The following SMAD2 variants were observed in gnomAD, a reference collection of about 807,000 sequenced individuals.
SMAD2 encodes the protein SMAD family member 2.
In SMAD2, 8 loss-of-function variants were observed where a neutral mutation model predicts 64.4. That is an observed-to-expected ratio of 0.12 (90% CI 0.07 to 0.22). SMAD2 has a LOEUF of 0.22. Ranked by LOEUF, SMAD2 falls within the 10% of genes least tolerant of loss-of-function variation. The pLI, the probability that SMAD2 is intolerant of heterozygous loss-of-function variation, is 1.00. For synonymous variants in SMAD2, 203 were observed against 195.8 expected (o/e 1.04, Z -0.31); for missense variants, 289 against 561.2 (o/e 0.51, Z 4.90).
At chr18:47,893,767 T>G (rs182904542) in intron 2 of SMAD2, among the ~76,000 whole-genome samples, 1 of 152,196 alleles carries the variant, frequency 6.6e-6, no homozygotes, top group Non-Finnish European at 1.5e-5. Flanking sequence ...TTATAAAATA[T>G]ATGGCACTAA....
intron 2 of SMAD2, among the ~76,000 whole-genome samples, chr18:47,877,778 G>C (rs751632716): frequency 6.6e-6 from 1 of 151,974 alleles, no homozygotes; most frequent in Non-Finnish European, 1.5e-5. Context: ...CTGCATTACA[G>C]ATGCAAAAAA....
chr18:47,828,813 C>G lies in SMAD2; in HGVS notation c.*13014G>C. On this transcript the variant is annotated 3_prime_UTR_variant, in exon 11 of 11. Transcript: ENST00000262160. Reference sequence around the variant, plus strand: ...ACACTGCAGAAGGCCGCAGGGTCCTCTGCCTAGGAAAACCAGAGACCCTTG... The same window carrying G: ...ACACTGCAGAAGGCCGCAGGGTCCTGTGCCTAGGAAAACCAGAGACCCTTG... 1.2e-5 allele frequency: 2 copies of G among 173,576 alleles called. No homozygotes were observed. Among genetic ancestry groups the G allele is most frequent in the Non-Finnish European group, 2.3e-5 (2 of 85,806 alleles). 10.8% of individuals were successfully genotyped at this position (173,576 alleles called of 1,614,324 possible). A position where few individuals can be genotyped will look rare whatever the true frequency, so the allele number is the denominator to read the frequency against.
chr18:47,880,737 A>G (rs953646915), intron 2 of SMAD2, among the ~76,000 whole-genome samples: 1 of 152,208 alleles, frequency 6.6e-6, no homozygotes, highest in African/African-American at 2.4e-5. Flanking sequence ...GATGGTAGTT[A>G]GAGGTTCTGT....
rs957207688 is a variant in SMAD2, at chr18:47,815,122, A to C, written c.*26705T>G. The stretch of plus-strand genomic sequence containing the variant: ...TGACTGTTCTCACCCACTAGATGCC[A>C]TCATGAGGAAGAAGCTAGGAAGAAC... On this transcript the variant is annotated 3_prime_UTR_variant, in exon 11 of 11. Coordinates refer to ENST00000262160, the MANE Select transcript of SMAD2 (RefSeq NM_005901.6). 1 of 152,286 alleles carries C rather than the reference A, an allele frequency of 6.6e-6. No individual in the cohort carries two copies. The highest frequency in any genetic ancestry group is 2.4e-5 in the African/African-American group (1 of 41,470). The allele number at this position is 152,286 out of a possible 1,614,324, so 9.4% of individuals were successfully genotyped here. A position where few individuals can be genotyped will look rare whatever the true frequency, so the allele number is the denominator to read the frequency against.
At chr18:47,930,671 C>T (rs2034979968), upstream of SMAD2, 2 of 149,398 alleles carry the variant, frequency 1.3e-5, no homozygotes, top group African/African-American at 4.9e-5. Context: ...CCCGCGCTGC[C>T]CCTCCTCCCC....
chr18:47,919,068 G>C (rs1260276346), intron 1 of SMAD2, among the ~76,000 whole-genome samples: 1 of 151,940 alleles, frequency 6.6e-6, no homozygotes, highest in Non-Finnish European at 1.5e-5. Context: ...GACAAAGAAA[G>C]GGCTTAAAGT....
At chr18:47,858,875 T>G (rs950259858) in intron 6 of SMAD2, among the ~76,000 whole-genome samples, 7 of 151,944 alleles carry the variant, frequency 4.6e-5, no homozygotes, top group African/African-American at 9.7e-5. Flanking sequence ...AGAGAACAAA[T>G]AGACAAACAA....
chr18:47,916,116 C>A (rs974155465), intron 1 of SMAD2, among the ~76,000 whole-genome samples: 6 of 152,086 alleles, frequency 3.9e-5, no homozygotes, highest in African/African-American at 1.4e-4. Flanking sequence ...TGAGACAAAC[C>A]CTAATTAGTC....
In SMAD2 at chr18:47,923,379, A is replaced by G. The variant is rs115402202; in HGVS notation, c.-54+6982T>C. 6.6e-3 allele frequency among the ~76,000 whole-genome samples: 1,002 copies of G among 152,332 alleles called. 11 individuals are homozygous for G. The highest frequency in any genetic ancestry group is 0.022 in the African/African-American group (917 of 41,570). On this transcript the variant is annotated intron_variant, in intron 1 of 10. Transcript: ENST00000262160. ...AAAGCTCAATTAAAGCAAAGTCTAG[A>G]GTAGTGCCACCCAACACAACTTTAT...
intron 1 of SMAD2, among the ~76,000 whole-genome samples, chr18:47,929,567 C>T (rs945029305): frequency 6.6e-6 from 1 of 152,156 alleles, no homozygotes; most frequent in Admixed American, 6.5e-5. Flanking sequence ...ATGCTGCTTG[C>T]AAATTCGTTT....
At chr18:47,868,932 G>C (rs2031760271) in intron 4 of SMAD2, among the ~76,000 whole-genome samples, 1 of 152,136 alleles carries the variant, frequency 6.6e-6, no homozygotes, top group South Asian at 2.1e-4. Context: ...AGTGCAAAAT[G>C]CTTGAAAATG....
At chr18:47,876,877 G>A (rs1361718028) in intron 2 of SMAD2, among the ~76,000 whole-genome samples, 1 of 151,914 alleles carries the variant, frequency 6.6e-6, no homozygotes, top group Non-Finnish European at 1.5e-5. Flanking sequence ...ATTATGTTTG[G>A]TCAATTTACT....
chr18:47,855,794 GT>G (rs1222160661), intron 6 of SMAD2, among the ~76,000 whole-genome samples: 1 of 152,000 alleles, frequency 6.6e-6, no homozygotes, highest in Non-Finnish European at 1.5e-5. Context: ...GCTAATTTCA[GT>G]TTTGTTTTTT....
At chr18:47,890,109 C>A (rs2144450562) in intron 2 of SMAD2, among the ~76,000 whole-genome samples, 2 of 152,250 alleles carry the variant, frequency 1.3e-5, no homozygotes, top group Middle Eastern at 6.8e-3. Context: ...GGAGCAGGAG[C>A]CCCCTCAAAA....
chr18:47,929,869 G>A (rs75755497), intron 1 of SMAD2, among the ~76,000 whole-genome samples: 3,427 of 152,246 alleles, frequency 0.023, 125 homozygotes, highest in African/African-American at 0.078. Context: ...TCCACCCGCA[G>A]AACAACTTTC....
chr18:47,827,645 T>C lies in SMAD2; in HGVS notation c.*14182A>G, dbSNP rs899750737. 2.9e-4 allele frequency: 45 copies of C among 157,700 alleles called. No individual in the cohort carries two copies. Among genetic ancestry groups the C allele is most frequent in the Non-Finnish European group, 4.6e-4 (33 of 72,188 alleles). The allele number at this position is 157,700 out of a possible 1,614,324, so 9.8% of individuals were successfully genotyped here. ...GCAGACGCGCGCCGCCACGCCTGAC[T>C]GGTTTTTGTATTTTTTGGTGGAGAC... On this transcript the variant is annotated 3_prime_UTR_variant, in exon 11 of 11. Coordinates refer to ENST00000262160, the MANE Select transcript of SMAD2 (RefSeq NM_005901.6).
In SMAD2 at chr18:47,854,277, G is replaced by T. The variant is rs761857726; in HGVS notation, c.731-2950C>A. ...ACCATCTACAGAAATCCCTGTGCATGTATCTTCGCATACAAATTCACATAT... is the reference window on the plus strand; with the variant it reads ...ACCATCTACAGAAATCCCTGTGCATTTATCTTCGCATACAAATTCACATAT... On this transcript the variant is annotated intron_variant, in intron 6 of 10. Coordinates refer to ENST00000262160, the MANE Select transcript of SMAD2 (RefSeq NM_005901.6). Among the ~76,000 whole-genome samples the T allele has an allele frequency of 4.6e-5, 7 of 152,272 alleles. No homozygotes were observed. In the Middle Eastern group the frequency reaches 0.01, roughly 222 times the overall value.
chr18:47,842,946 A>C (rs1394446766), intron 10 of SMAD2, among the ~76,000 whole-genome samples: 1 of 152,204 alleles, frequency 6.6e-6, no homozygotes, highest in Non-Finnish European at 1.5e-5. Flanking sequence ...ACTTGCTTCT[A>C]CAAACTAACA....
chr18:47,890,776 C>CT (rs2033151921), intron 2 of SMAD2, among the ~76,000 whole-genome samples: 1 of 152,108 alleles, frequency 6.6e-6, no homozygotes, highest in African/African-American at 2.4e-5. Flanking sequence ...ACGCACATGC[C>CT]TATGTATGAA....
Sources: gnomAD v4.1 joint callset for allele counts (sites outside exome capture counted in the v4.1 genomes callset) on GRCh38, gnomAD v4.1.1 for gene constraint, MANE v1.5 for transcripts, NCBI Gene and HGNC (gene_info 2026-07-23, HGNC 2026-07-21) for gene names.